PRIM2: variants seen among roughly 807,000 people sequenced by gnomAD.
PRIM2 encodes DNA primase large subunit.
A neutral mutation model predicts 67.3 loss-of-function variants in PRIM2; 39 were observed. The observed-to-expected ratio is 0.58, with a 90% confidence interval of 0.45 to 0.76. The LOEUF is 0.76. Among genes scored for constraint, PRIM2 ranks in the 30% least tolerant of loss-of-function variants. The pLI is 0.00. For missense variants in PRIM2, 398 were observed against 598.7 expected, an observed-to-expected ratio of 0.66 and a Z score of 3.50; for synonymous variants, 143 against 198.7, an observed-to-expected ratio of 0.72 and a Z score of 2.36.
At chr6:57,375,844 G>A (rs1186773195) in intron 5 of PRIM2, among the ~76,000 whole-genome samples, 1 of 151,938 alleles carries the variant, frequency 6.6e-6, no homozygotes, top group African/African-American at 2.4e-5. Flanking sequence ...GGCCAAGGTG[G>A]GAGAATCACT....
chr6:57,426,758 T>A (rs1771643983), intron 7 of PRIM2, among the ~76,000 whole-genome samples: 1 of 152,206 alleles, frequency 6.6e-6, no homozygotes, highest in Non-Finnish European at 1.5e-5. Flanking sequence ...TCTCAACAGG[T>A]GATTAGATAA....
intron 10 of PRIM2, among the ~76,000 whole-genome samples, chr6:57,600,336 G>GATTATTATTATT (rs1190863948): frequency 3.4e-5 from 5 of 146,476 alleles, no homozygotes; most frequent in East Asian, 4.0e-4. Flanking sequence ...CAGAGGAAGG[G>GATTATTATTATT]ATTATTATTA....
chr6:57,518,375 G>A (rs2127463207), intron 8 of PRIM2, among the ~76,000 whole-genome samples: 1 of 152,240 alleles, frequency 6.6e-6, no homozygotes, highest in East Asian at 1.9e-4. Context: ...ACTATGTTAT[G>A]TTTTCTTCTC....
At chr6:57,615,420 C>CAA (rs1159988256) in intron 12 of PRIM2, among the ~76,000 whole-genome samples, 22 of 107,314 alleles carry the variant, frequency 2.1e-4, no homozygotes, top group African/African-American at 6.3e-4. Flanking sequence ...GATTCTGTCT[C>CAA]AAAAAAAAAA....
the PRIM2 span, among the ~76,000 whole-genome samples, chr6:57,251,631 T>C: frequency 2.0e-5 from 3 of 152,200 alleles, no homozygotes; most frequent in African/African-American, 7.2e-5. Flanking sequence ...GTAGTCATTC[T>C]TGTGGGTTGG....
At chr6:57,616,235 T>C (rs1776754570) in intron 12 of PRIM2, among the ~76,000 whole-genome samples, 1 of 152,230 alleles carries the variant, frequency 6.6e-6, no homozygotes, top group Non-Finnish European at 1.5e-5. Flanking sequence ...TGATGGAGGC[T>C]TTACACAAAT....
intron 5 of PRIM2, among the ~76,000 whole-genome samples, chr6:57,350,236 C>G (rs1768817380): frequency 6.6e-6 from 1 of 152,096 alleles, no homozygotes; most frequent in Non-Finnish European, 1.5e-5. Context: ...TGAGCTTGTA[C>G]TGTTGATATA....
At chr6:57,505,448 G>T (rs1470022824) in intron 7 of PRIM2, 6 of 152,142 alleles carry the variant, frequency 3.9e-5, no homozygotes, top group Admixed American at 3.3e-4. Context: ...TTGTGGAATT[G>T]GCAGAAGCTG....
At chr6:57,500,364 T>C (rs1333823016) in intron 7 of PRIM2, among the ~76,000 whole-genome samples, 2 of 152,232 alleles carry the variant, frequency 1.3e-5, no homozygotes, top group South Asian at 2.1e-4. Flanking sequence ...CACAAATGTA[T>C]GCAAAATAGT....
At chr6:57,635,617 C>T (rs1383716492) in intron 13 of PRIM2, among the ~76,000 whole-genome samples, 1 of 152,118 alleles carries the variant, frequency 6.6e-6, no homozygotes, top group Non-Finnish European at 1.5e-5. Context: ...TAATTTTTCC[C>T]CACCATATAA....
chr6:57,418,394 T>TTTTTTTTTTTTTTTTTTTTTTTTA (rs1771349666), intron 7 of PRIM2, among the ~76,000 whole-genome samples: 1 of 113,100 alleles, frequency 8.8e-6, no homozygotes, highest in African/African-American at 3.4e-5. Flanking sequence ...TTTTTTTTTT[T>TTTTTTTTTTTTTTTTTTTTTTTTA]TTTTTTTTTT....
At chr6:57,502,722 C>T (rs1774162559) in intron 7 of PRIM2, among the ~76,000 whole-genome samples, 1 of 152,168 alleles carries the variant, frequency 6.6e-6, no homozygotes, top group Non-Finnish European at 1.5e-5. Context: ...AATGGCCATC[C>T]GGCAGGCTGC....
chr6:57,583,423 GC>G (rs1435041128), intron 10 of PRIM2, among the ~76,000 whole-genome samples: 1 of 147,898 alleles, frequency 6.8e-6, no homozygotes, highest in Non-Finnish European at 1.5e-5. Flanking sequence ...GTGAGAATAT[GC>G]GGTTTGTTTT....
chr6:57,283,812 T>C, the PRIM2 span, among the ~76,000 whole-genome samples: 3 of 152,124 alleles, frequency 2.0e-5, no homozygotes, highest in African/African-American at 7.2e-5. Context: ...CAAACTCGTT[T>C]GGGGCCTAAA....
chr6:57,295,356 A>T, the PRIM2 span, among the ~76,000 whole-genome samples: 2 of 152,042 alleles, frequency 1.3e-5, no homozygotes, highest in Admixed American at 6.6e-5. Context: ...AAAAAAAAAA[A>T]TTTGATTGGG....
Position 57,560,060 on chromosome 6 carries a change from G to A in PRIM2, c.1020+22435G>A, listed in dbSNP as rs1562791650. On this transcript the variant is annotated intron_variant, in intron 10 of 13. Transcript: ENST00000615550. ...AGATTTCTTTGTGGCATGCAGTGCT[G>A]TTTGATAGCATTTTACCTGTAACAG... Among the ~76,000 whole-genome samples the A allele has an allele frequency of 1.6e-4, 25 of 152,286 alleles. No individual in the cohort carries two copies. In the South Asian group the frequency reaches 5.2e-3, roughly 32 times the overall value.
At chr6:57,366,205 CAG>C (rs1301803659) in intron 5 of PRIM2, among the ~76,000 whole-genome samples, 1 of 152,000 alleles carries the variant, frequency 6.6e-6, no homozygotes, top group Non-Finnish European at 1.5e-5. Flanking sequence ...AGTAGAAACA[CAG>C]GGTATAGAAA....
chr6:57,419,624 G>A (rs1771396232), intron 7 of PRIM2, among the ~76,000 whole-genome samples: 1 of 151,978 alleles, frequency 6.6e-6, no homozygotes, highest in East Asian at 1.9e-4. Context: ...CAGCAATTCT[G>A]TTAATATATA....
At chr6:57,356,815 A>AT (rs1769044043) in intron 5 of PRIM2, among the ~76,000 whole-genome samples, 4 of 151,996 alleles carry the variant, frequency 2.6e-5, no homozygotes, top group African/African-American at 7.2e-5. Context: ...CCTGGCTAAG[A>AT]TTAATAGTCT....
Sources: allele counts gnomAD v4.1 joint callset (sites outside exome capture counted in the v4.1 genomes callset), GRCh38; gene constraint gnomAD v4.1.1; transcripts MANE v1.5; gene names NCBI Gene and HGNC (gene_info 2026-07-23, HGNC 2026-07-21).